The following CRADD variants were observed in gnomAD, a reference collection of about 807,000 sequenced individuals.
CRADD encodes CARD and death domain containing adaptor protein.
In CRADD, 9 loss-of-function variants were observed where a neutral mutation model predicts 15.5. The observed-to-expected ratio is 0.58, with a 90% CI of 0.35 to 1.01. The LOEUF (loss-of-function observed/expected upper bound fraction) is 1.01, where lower values mean the gene tolerates loss of function less well. CRADD is among the 50% of genes least tolerant of loss of function. CRADD has a pLI of 0.02. For synonymous variants in CRADD, 118 were observed against 107.6 expected (o/e 1.10, Z -0.60); for missense variants, 227 against 250.3 (o/e 0.91, Z 0.63).
At chr12:93,794,715 T>TC (rs2136989418) in intron 2 of CRADD, among the ~76,000 whole-genome samples, 1 of 152,154 alleles carries the variant, frequency 6.6e-6, no homozygotes, top group Admixed American at 6.5e-5. Context: ...GAAGTGCCAC[T>TC]CCCCCACTTA....
chr12:93,807,448 A>G (rs372961091), intron 2 of CRADD, among the ~76,000 whole-genome samples: 2 of 151,994 alleles, frequency 1.3e-5, no homozygotes, highest in African/African-American at 4.8e-5. Context: ...AGTCCCCTTA[A>G]TTCTTTCAAG....
chr12:93,816,843 A>G (rs902071242), intron 2 of CRADD, among the ~76,000 whole-genome samples: 1 of 152,192 alleles, frequency 6.6e-6, no homozygotes, highest in Non-Finnish European at 1.5e-5. Flanking sequence ...TCTGTGCACT[A>G]GAGTCATAGG....
chr12:93,700,171 TA>T (rs1323369268), intron 2 of CRADD, among the ~76,000 whole-genome samples: 9 of 152,192 alleles, frequency 5.9e-5, no homozygotes, highest in Non-Finnish European at 1.0e-4. Flanking sequence ...TTTTTCTCAC[TA>T]AATCTAGGTC....
intron 2 of CRADD, among the ~76,000 whole-genome samples, chr12:93,710,708 G>A (rs1956050146): frequency 1.3e-5 from 2 of 152,000 alleles, no homozygotes; most frequent in African/African-American, 4.8e-5. Context: ...CATCCTATTG[G>A]TCAAAATGAG....
At chr12:93,829,841 C>T (rs143613412) in intron 2 of CRADD, among the ~76,000 whole-genome samples, 6 of 152,104 alleles carry the variant, frequency 3.9e-5, no homozygotes, top group Admixed American at 6.5e-5. Flanking sequence ...TACAGGTGCC[C>T]GCCACCACAC....
chr12:93,752,215 C>T (rs544763533), intron 2 of CRADD, among the ~76,000 whole-genome samples: 3 of 152,168 alleles, frequency 2.0e-5, no homozygotes, highest in Non-Finnish European at 2.9e-5. Context: ...TTCCAGGTAG[C>T]CTTCCAAAGT....
At chr12:93,763,394 A>T (rs1956991741) in intron 2 of CRADD, among the ~76,000 whole-genome samples, 2 of 152,006 alleles carry the variant, frequency 1.3e-5, no homozygotes, top group South Asian at 2.1e-4. Context: ...TGCTCAAAGG[A>T]GAAGGGCAAA....
chr12:93,821,979 G>A (rs1489386983), intron 2 of CRADD, among the ~76,000 whole-genome samples: 2 of 152,108 alleles, frequency 1.3e-5, no homozygotes, highest in African/African-American at 4.8e-5. Context: ...TTAGCCAGGT[G>A]TGGTGGTGGG....
intron 2 of CRADD, chr12:93,709,029 G>T (rs909193135): frequency 6.6e-6 from 1 of 152,222 alleles, no homozygotes; most frequent in African/African-American, 2.4e-5. Context: ...GTTCATGAAG[G>T]CTCTGCCAAA....
chr12:93,742,018 A>C (rs1043316193), intron 2 of CRADD, among the ~76,000 whole-genome samples: 2 of 152,160 alleles, frequency 1.3e-5, no homozygotes, highest in African/African-American at 4.8e-5. Context: ...ACTGTAATGC[A>C]AAAAGCTCAG....
intron 2 of CRADD, among the ~76,000 whole-genome samples, chr12:93,723,398 G>A (rs1956299026): frequency 6.6e-6 from 1 of 152,122 alleles, no homozygotes; most frequent in Non-Finnish European, 1.5e-5. Context: ...CAACCAGCTG[G>A]TGCCACCCAG....
intron 2 of CRADD, among the ~76,000 whole-genome samples, chr12:93,862,032 C>T (rs762138757): frequency 6.6e-5 from 10 of 152,172 alleles, no homozygotes; most frequent in Non-Finnish European, 1.0e-4. Flanking sequence ...TTCTCCTGCA[C>T]AAGCTCTCTT....
chr12:93,822,854 T>C (rs577616804), intron 2 of CRADD, among the ~76,000 whole-genome samples: 2 of 152,354 alleles, frequency 1.3e-5, no homozygotes, highest in African/African-American at 4.8e-5. Flanking sequence ...TCTCTAGACA[T>C]AGATAAATCA....
chr12:93,738,736 A>G, intron 2 of CRADD: 1 of 359,490 alleles, frequency 2.8e-6, no homozygotes, highest in Non-Finnish European at 5.0e-6. Flanking sequence ...ACAAAAGATA[A>G]CAGGGACCCT....
chr12:93,862,465 GTGGAGTAAGTGGAAAGCC>G (rs1218630601), intron 2 of CRADD, among the ~76,000 whole-genome samples: 1 of 152,172 alleles, frequency 6.6e-6, no homozygotes, highest in African/African-American at 2.4e-5. Flanking sequence ...TGACGGGAGT[GTGGAGTAAGTGGAAAGCC>G]TGGGAAAGGT....
At chr12:93,796,601 A>AG (rs34428368) in intron 2 of CRADD, among the ~76,000 whole-genome samples, 1 of 40,378 alleles carries the variant, frequency 2.5e-5, no homozygotes, top group African/African-American at 8.8e-5. Flanking sequence ...AAACGGTGTC[A>AG]AAAAAAAAAA....
At chr12:93,794,193 G>C (rs1592996008) in intron 2 of CRADD, among the ~76,000 whole-genome samples, 1 of 152,080 alleles carries the variant, frequency 6.6e-6, no homozygotes, top group African/African-American at 2.4e-5. Flanking sequence ...CTAGCTGTTG[G>C]AAAGCCTCCA....
chr12:93,874,472 A>G (rs1247749954), intron 2 of CRADD, among the ~76,000 whole-genome samples: 2 of 150,924 alleles, frequency 1.3e-5, no homozygotes, highest in Non-Finnish European at 3.0e-5. Context: ...TCTTCTACCA[A>G]TTTTGGGTTT....
At chr12:93,861,938 C>T (rs1464851045) in intron 2 of CRADD, among the ~76,000 whole-genome samples, 1 of 152,126 alleles carries the variant, frequency 6.6e-6, no homozygotes, top group Non-Finnish European at 1.5e-5. Context: ...GTAGAGATCC[C>T]TGAATCATGG....
Sources: allele counts gnomAD v4.1 joint callset (sites outside exome capture counted in the v4.1 genomes callset), GRCh38; gene constraint gnomAD v4.1.1; transcripts MANE v1.5; gene names NCBI Gene and HGNC (gene_info 2026-07-23, HGNC 2026-07-21).